Variants in MEIKIN observed in about 807,000 individuals in gnomAD.
The protein encoded by MEIKIN is meiosis-specific kinetochore protein.
At chr5:131,822,479 G>C (rs1028099292) in intron 11 of MEIKIN, among the ~76,000 whole-genome samples, 1 of 151,680 alleles carries the variant, frequency 6.6e-6, no homozygotes, top group Non-Finnish European at 1.5e-5. Flanking sequence ...TTTGATTTGA[G>C]GTTACCATGA....
intron 4 of MEIKIN, among the ~76,000 whole-genome samples, chr5:131,936,231 A>C (rs756564603): frequency 4.0e-4 from 61 of 152,346 alleles, no homozygotes; most frequent in Non-Finnish European, 7.2e-4. Context: ...ATTAAAAAAC[A>C]TATTTTTATC....
At chr5:131,923,758 CTACT>C (rs967989534) in intron 5 of MEIKIN, among the ~76,000 whole-genome samples, 2 of 151,570 alleles carry the variant, frequency 1.3e-5, no homozygotes, top group African/African-American at 4.8e-5. Context: ...CTTTTTCCTC[CTACT>C]TAATTTCCTT....
At chr5:131,917,473 C>T (rs1003498960) in intron 6 of MEIKIN, among the ~76,000 whole-genome samples, 4 of 147,740 alleles carry the variant, frequency 2.7e-5, no homozygotes, top group African/African-American at 5.0e-5. Flanking sequence ...GGCTGGGGCA[C>T]GAGAATTGCT....
chr5:131,888,838 C>T (rs1227116247), intron 8 of MEIKIN, among the ~76,000 whole-genome samples: 3 of 152,028 alleles, frequency 2.0e-5, no homozygotes, highest in Non-Finnish European at 2.9e-5. Context: ...GTTTTTATGG[C>T]TTTAGGTCTA....
chr5:131,938,818 A>T (rs1751825756), intron 4 of MEIKIN, among the ~76,000 whole-genome samples: 1 of 152,138 alleles, frequency 6.6e-6, no homozygotes, highest in South Asian at 2.1e-4. Flanking sequence ...CTGTTATTTT[A>T]AATGTTTACT....
rs1003153663 is a variant in MEIKIN at position 131,912,396 on chromosome 5, G to T, written c.639-517C>A. 5.9e-5 allele frequency among the ~76,000 whole-genome samples: 9 copies of T among 151,670 alleles called. 1 individual carries two copies. The highest frequency in any genetic ancestry group is 1.2e-4 in the Non-Finnish European group (8 of 67,916). ...GTTTTTTTGAAATTAATATCCTGGG[G>T]TTTTTTTATTTTGTACTTCTACAAA... On this transcript the variant is annotated intron_variant, in intron 7 of 12. Transcript: ENST00000442687.
chr5:131,928,143 CAAAAA>C (rs60395354), intron 5 of MEIKIN, among the ~76,000 whole-genome samples: 1 of 88,724 alleles, frequency 1.1e-5, no homozygotes, highest in African/African-American at 3.7e-5. Flanking sequence ...AACTCCGTCT[CAAAAA>C]AAAAAAAAAA....
At chr5:131,824,348 TA>T (rs1238238504) in intron 11 of MEIKIN, among the ~76,000 whole-genome samples, 752 of 140,196 alleles carry the variant, frequency 5.4e-3, no homozygotes, top group East Asian at 8.9e-3. Flanking sequence ...GACCTGGCTC[TA>T]AAAAAAAAAA....
chr5:131,874,255 T>C, intron 9 of MEIKIN, among the ~76,000 whole-genome samples: 1 of 151,902 alleles, frequency 6.6e-6, no homozygotes, highest in East Asian at 1.9e-4. Context: ...CTAGCAAGAC[T>C]AATAAAGAAG....
intron 8 of MEIKIN, among the ~76,000 whole-genome samples, chr5:131,881,529 A>G (rs1253845307): frequency 6.6e-6 from 1 of 152,074 alleles, no homozygotes; most frequent in East Asian, 1.9e-4. Flanking sequence ...GCTTCAAAAC[A>G]TCTCTTTGCT....
intron 11 of MEIKIN, among the ~76,000 whole-genome samples, chr5:131,831,553 CTCAA>C (rs201199749): frequency 1.4e-3 from 217 of 152,130 alleles, no homozygotes; most frequent in South Asian, 2.9e-3. Flanking sequence ...AACAACGTGT[CTCAA>C]TCAATCAATC....
chr5:131,945,636 A>C lies in MEIKIN; in HGVS notation c.-131T>G. On this transcript the variant is annotated 5_prime_UTR_variant, in exon 1 of 13. Coordinates refer to ENST00000442687, the MANE Select transcript of MEIKIN (RefSeq NM_001303622.2). The stretch of plus-strand genomic sequence containing the variant: ...CCGCGGAGCAGCCTCACAGCAACTA[A>C]TCGAGCGAAAGCAAAAGCCCCAGAA... 7.6e-6 allele frequency: 3 copies of C among 392,604 alleles called. No homozygotes were observed. Among genetic ancestry groups the C allele is most frequent in the South Asian group, 1.4e-4 (1 of 7,020 alleles). The allele number at this position is 392,604 out of a possible 1,614,324, so 24.3% of individuals were successfully genotyped here.
chr5:131,869,201 T>C (rs1462372740), intron 9 of MEIKIN, among the ~76,000 whole-genome samples: 3 of 152,134 alleles, frequency 2.0e-5, no homozygotes. Flanking sequence ...CATTTGGGGG[T>C]CCAGTTATTC....
chr5:131,934,646 A>C (rs952425230), intron 4 of MEIKIN, among the ~76,000 whole-genome samples: 11 of 152,238 alleles, frequency 7.2e-5, no homozygotes, highest in Non-Finnish European at 1.3e-4. Flanking sequence ...GAAAACTGTA[A>C]CACCGAGTTA....
chr5:131,891,255 C>T (rs957144304), intron 8 of MEIKIN, among the ~76,000 whole-genome samples: 3 of 152,282 alleles, frequency 2.0e-5, no homozygotes, highest in East Asian at 1.9e-4. Flanking sequence ...TAGCTGAGTT[C>T]AATTCCTGTA....
rs540773855 is a variant in MEIKIN, at chr5:131,811,744, C to G, written c.1100-4486G>C. On this transcript the variant is annotated intron_variant, in intron 12 of 12. Transcript: ENST00000442687. ...GCCTCAGCCTCCTGAATAGCTGGGC[C>G]TACAGGTGCCCATCACCACGCCCAG... Among the ~76,000 whole-genome samples the G allele has an allele frequency of 3.7e-3, 565 of 152,244 alleles. 4 individuals carry two copies. Among genetic ancestry groups the G allele is most frequent in the Middle Eastern group, 0.014 (4 of 294 alleles).
chr5:131,893,930 T>C (rs987789375), intron 8 of MEIKIN, among the ~76,000 whole-genome samples: 47 of 152,240 alleles, frequency 3.1e-4, no homozygotes, highest in African/African-American at 1.1e-3. Context: ...ATTTTTGTTT[T>C]TGTTGCCATT....
chr5:131,821,630 CTTTTTTTTTTT>C (rs375765946), intron 11 of MEIKIN, among the ~76,000 whole-genome samples: 1 of 50,452 alleles, frequency 2.0e-5, no homozygotes, highest in Admixed American at 1.9e-4. Context: ...TGAGGTCTGC[CTTTTTTTTTTT>C]TTTTTTTTTT....
intron 11 of MEIKIN, among the ~76,000 whole-genome samples, chr5:131,838,295 G>A (rs959870525): frequency 6.6e-6 from 1 of 152,134 alleles, no homozygotes; most frequent in Non-Finnish European, 1.5e-5. Flanking sequence ...GTTCATCAAG[G>A]ATATTGGTCT....
Sources: allele counts gnomAD v4.1 joint callset (sites outside exome capture counted in the v4.1 genomes callset), GRCh38; gene constraint gnomAD v4.1.1; transcripts MANE v1.5; gene names NCBI Gene and HGNC (gene_info 2026-07-23, HGNC 2026-07-21).